The following SNX30 variants were observed in gnomAD, a reference collection of about 807,000 sequenced individuals.
SNX30 encodes the protein sorting nexin family member 30.
In SNX30, 24 loss-of-function variants were observed where a neutral mutation model predicts 46.4. The observed-to-expected ratio is 0.52, with a 90% CI of 0.37 to 0.73. The LOEUF is 0.73. Among genes scored for constraint, SNX30 ranks in the 30% least tolerant of loss-of-function variants. The probability of loss-of-function intolerance (pLI) is 0.00; values close to 1 mark genes in which losing one functional copy is unlikely to be tolerated. For synonymous variants in SNX30, 189 were observed against 211.5 expected (o/e 0.89, Z 0.92); for missense variants, 533 against 555.7 (o/e 0.96, Z 0.41).
At chr9:112,809,814 A>G (rs1840290573) in intron 2 of SNX30, among the ~76,000 whole-genome samples, 2 of 151,902 alleles carry the variant, frequency 1.3e-5, no homozygotes, top group Non-Finnish European at 2.9e-5. Flanking sequence ...GGCAATGAAA[A>G]CAAGCATAGA....
At position 112,807,087 on chromosome 9, in the gene SNX30, C is replaced by G. The variant is rs1001978561; in HGVS notation, c.348+2120C>G. Among the ~76,000 whole-genome samples the G allele has an allele frequency of 1.4e-4, 14 of 99,832 alleles. No individual in the cohort carries two copies. In the Admixed American group the frequency reaches 1.7e-3, roughly 12 times the overall value. The allele number at this position is 99,832 out of a possible 152,430, so 65.5% of individuals were successfully genotyped here. On this transcript the variant is annotated intron_variant, in intron 2 of 8. Transcript: ENST00000374232. ...TTTTTTTTTTTTTTTTTTTTTGAGA[C>G]AGAGTCTCCCTCTGTCGCCCAGGAT...
intron 1 of SNX30, among the ~76,000 whole-genome samples, chr9:112,769,244 T>C (rs1313087086): frequency 5.9e-5 from 9 of 152,224 alleles, no homozygotes; most frequent in Admixed American, 3.3e-4. Context: ...CCTCTCCACC[T>C]CTAGTTAACA....
At chr9:112,816,455 C>T (rs1840397423) in intron 2 of SNX30, among the ~76,000 whole-genome samples, 1 of 152,172 alleles carries the variant, frequency 6.6e-6, no homozygotes, top group Non-Finnish European at 1.5e-5. Flanking sequence ...AGTGAATTTC[C>T]CCACATCTTC....
intron 3 of SNX30, among the ~76,000 whole-genome samples, chr9:112,821,028 G>C (rs1009069649): frequency 7.9e-5 from 12 of 152,038 alleles, no homozygotes; most frequent in East Asian, 7.7e-4. Flanking sequence ...TCCCATTTTG[G>C]GGGGGGTGTA....
At chr9:112,810,895 A>C (rs947059183) in intron 2 of SNX30, among the ~76,000 whole-genome samples, 9 of 152,094 alleles carry the variant, frequency 5.9e-5, no homozygotes, top group Admixed American at 5.9e-4. Context: ...AGTGGTGGTC[A>C]GGAGCTGTGT....
At chr9:112,851,479 TG>T (rs1281291879) in intron 7 of SNX30, among the ~76,000 whole-genome samples, 2 of 152,136 alleles carry the variant, frequency 1.3e-5, no homozygotes, top group Admixed American at 6.5e-5. Flanking sequence ...TTGGTCGAAT[TG>T]GGGGAAAAAA....
intron 1 of SNX30, among the ~76,000 whole-genome samples, chr9:112,791,089 T>C (rs1418809718): frequency 6.6e-6 from 1 of 152,178 alleles, no homozygotes; most frequent in African/African-American, 2.4e-5. Flanking sequence ...AAATTCACCA[T>C]TTTAAGGTAT....
chr9:112,857,224 C>T (rs1322148191), intron 7 of SNX30, among the ~76,000 whole-genome samples: 3 of 152,186 alleles, frequency 2.0e-5, no homozygotes, highest in Admixed American at 2.0e-4. Flanking sequence ...CCTCTCCCTC[C>T]CTCACTCCCC....
In SNX30 at chr9:112,830,727, T is replaced by A; in HGVS notation, c.462T>A (p.Pro154=). Reference sequence around the variant, plus strand: ...TTTTTTTCTTCATGTCTTCATAGCCTCTTCCCGAGAAGTTTGTGGTAAAAG... The same window carrying A: ...TTTTTTTCTTCATGTCTTCATAGCCACTTCCCGAGAAGTTTGTGGTAAAAG... ...EESQPTHLIP[P]LPEKFVVKGV... is the part of the protein sequence containing the mutation. The change falls in exon 4 of 9, where the codon CCT becomes CCA. Residue 154 remains proline, a splice_region_variant and synonymous_variant. Transcript: ENST00000374232. 6.2e-7 allele frequency: 1 copy of A among 1,608,714 alleles called. No individual in the cohort carries two copies. Among genetic ancestry groups the A allele is most frequent in the Non-Finnish European group, 8.5e-7 (1 of 1,178,704 alleles).
At chr9:112,794,019 A>G (rs1471078174) in intron 1 of SNX30, among the ~76,000 whole-genome samples, 1 of 152,078 alleles carries the variant, frequency 6.6e-6, no homozygotes, top group East Asian at 1.9e-4. Context: ...TGTTCTTTGT[A>G]TCATGAACAT....
rs1166520092 is a variant in SNX30 at position 112,750,804 on chromosome 9, C to T, written c.-198C>T. 2.7e-4 allele frequency: 65 copies of T among 242,890 alleles called. No homozygotes were observed. Among genetic ancestry groups the T allele is most frequent in the Non-Finnish European group, 3.5e-4 (54 of 153,318 alleles). The allele number at this position is 242,890 out of a possible 1,614,324, so 15.0% of individuals were successfully genotyped here. On this transcript the variant is annotated 5_prime_UTR_variant, in exon 1 of 9. Transcript: ENST00000374232. ...ACCCGCGGCGGGCTCGGGCGCGGAG[C>T]GGGGGCGCGCGGCGCGGAGCGGAGC...
At chr9:112,814,886 CAACTT>C (rs1840374224) in intron 2 of SNX30, among the ~76,000 whole-genome samples, 2 of 152,142 alleles carry the variant, frequency 1.3e-5, no homozygotes, top group Non-Finnish European at 2.9e-5. Context: ...AAATTGGAAA[CAACTT>C]AAATGGGGAT....
At chr9:112,775,492 T>C (rs944268809) in intron 1 of SNX30, among the ~76,000 whole-genome samples, 1 of 151,892 alleles carries the variant, frequency 6.6e-6, no homozygotes, top group Non-Finnish European at 1.5e-5. Context: ...TTATATATTC[T>C]GGATATCGTA....
chr9:112,768,620 TAA>T (rs1839585622), intron 1 of SNX30, among the ~76,000 whole-genome samples: 1 of 145,048 alleles, frequency 6.9e-6, no homozygotes, highest in South Asian at 2.2e-4. Context: ...TTTTTTTTTG[TAA>T]AGTTTCTCTA....
intron 2 of SNX30, among the ~76,000 whole-genome samples, chr9:112,809,500 C>T (rs1189903274): frequency 2.0e-5 from 3 of 151,836 alleles, no homozygotes; most frequent in Admixed American, 6.6e-5. Context: ...GAAACAGAGG[C>T]GAGCCTTCAA....
At chr9:112,783,210 G>C (rs1178850681) in intron 1 of SNX30, among the ~76,000 whole-genome samples, 3 of 152,226 alleles carry the variant, frequency 2.0e-5, no homozygotes, top group Non-Finnish European at 4.4e-5. Flanking sequence ...GCGCCATGGA[G>C]GCAGACGGTG....
rs1454344183 is a variant in SNX30 at position 112,865,654 on chromosome 9, T to TA, written c.1254+1256dup. ...ATATATATATATATATATATATATATATATATATGTATGTATGTATGCACA... is the reference window on the plus strand; with the variant it reads ...ATATATATATATATATATATATATATAATATATATGTATGTATGTATGCACA... On this transcript the variant is annotated intron_variant, in intron 8 of 8. Coordinates refer to ENST00000374232, the MANE Select transcript of SNX30 (RefSeq NM_001012994.2). 6.8e-5 allele frequency among the ~76,000 whole-genome samples: 9 copies of TA among 131,706 alleles called. 1 individual carries two copies. Among genetic ancestry groups the TA allele is most frequent in the Admixed American group, 4.4e-4 (6 of 13,498 alleles). 86.4% of individuals were successfully genotyped at this position (131,706 alleles called of 152,430 possible).
chr9:112,879,382 A>G (rs1588148087), downstream of SNX30: 4 of 184,486 alleles, frequency 2.2e-5, no homozygotes, highest in Non-Finnish European at 3.4e-5. Context: ...AGTTAGCTAT[A>G]CTTTGGAGCC....
In SNX30 at chr9:112,786,587, A is replaced by T. The variant is rs1401218080; in HGVS notation, c.157-18189A>T. On this transcript the variant is annotated intron_variant, in intron 1 of 8. Transcript: ENST00000374232. ...TTACAGAGCTCATTTCTGTCTCTGGACTCAGAATGCCCATGTGAGAGGGCA... is the reference window on the plus strand; with the variant it reads ...TTACAGAGCTCATTTCTGTCTCTGGTCTCAGAATGCCCATGTGAGAGGGCA... 4.0e-5 allele frequency among the ~76,000 whole-genome samples: 6 copies of T among 151,594 alleles called. No homozygotes were observed. The East Asian group carries it at 1.2e-3, about 29-fold the overall frequency.
Sources: gnomAD v4.1 joint callset for allele counts (sites outside exome capture counted in the v4.1 genomes callset) on GRCh38, gnomAD v4.1.1 for gene constraint, MANE v1.5 for transcripts, NCBI Gene and HGNC (gene_info 2026-07-23, HGNC 2026-07-21) for gene names.